The following ZNF385D variants were observed in gnomAD, a reference collection of about 807,000 sequenced individuals.
ZNF385D encodes zinc finger protein 385D, also known as zinc finger protein 659.
ZNF385D carries 15 observed loss-of-function variants against 35.8 expected under a neutral mutation model. That is an observed-to-expected ratio of 0.42 (90% CI 0.28 to 0.64). The LOEUF is 0.64. Among genes scored for constraint, ZNF385D ranks in the 30% least tolerant of loss-of-function variants. The pLI, the probability that ZNF385D is intolerant of heterozygous loss-of-function variation, is 0.23. For synonymous variants in ZNF385D, 212 were observed against 186.8 expected, an observed-to-expected ratio of 1.13 and a Z score of -1.10; for missense variants, 474 against 494.6, an observed-to-expected ratio of 0.96 and a Z score of 0.39.
At chr3:22,314,903 A>C (rs1272860468) in intron 2 of ZNF385D, among the ~76,000 whole-genome samples, 1 of 152,174 alleles carries the variant, frequency 6.6e-6, no homozygotes, top group African/African-American at 2.4e-5. Context: ...TGTGCAACAA[A>C]TGGAAATGTG....
At chr3:21,912,970 C>T (rs73129358) in intron 3 of ZNF385D, among the ~76,000 whole-genome samples, 1,821 of 152,096 alleles carry the variant, frequency 0.012, 33 homozygotes, top group African/African-American at 0.042. Context: ...AAACTGGAAA[C>T]AGAATTGTGA....
At chr3:22,352,755 T>C (rs1695974793) in intron 2 of ZNF385D, among the ~76,000 whole-genome samples, 1 of 152,182 alleles carries the variant, frequency 6.6e-6, no homozygotes, top group African/African-American at 2.4e-5. Flanking sequence ...TTTGGAGGCA[T>C]ACATAGTTCT....
At chr3:22,159,445 C>T (rs114782438) in intron 3 of ZNF385D, among the ~76,000 whole-genome samples, 9 of 152,056 alleles carry the variant, frequency 5.9e-5, no homozygotes, top group South Asian at 2.1e-4. Flanking sequence ...AGACAGGAGT[C>T]GGTCTGGATT....
intron 2 of ZNF385D, among the ~76,000 whole-genome samples, chr3:22,350,018 G>C (rs1695844983): frequency 1.3e-5 from 2 of 152,128 alleles, no homozygotes; most frequent in Non-Finnish European, 2.9e-5. Context: ...TGAATATAGA[G>C]TTTGGTTTAA....
At chr3:21,466,023 G>A (rs564395602) in intron 4 of ZNF385D, among the ~76,000 whole-genome samples, 6 of 152,174 alleles carry the variant, frequency 3.9e-5, no homozygotes, top group South Asian at 2.1e-4. Flanking sequence ...AGTGGTCTAC[G>A]ACCCTACCAC....
chr3:21,485,326 A>G (rs1248604032), intron 4 of ZNF385D, among the ~76,000 whole-genome samples: 2 of 152,152 alleles, frequency 1.3e-5, no homozygotes, highest in African/African-American at 4.8e-5. Context: ...CCTAATGCAA[A>G]CATTAGAGAG....
chr3:22,299,728 T>C (rs1406970006), intron 2 of ZNF385D, among the ~76,000 whole-genome samples: 2 of 151,810 alleles, frequency 1.3e-5, no homozygotes, highest in Admixed American at 1.3e-4. Flanking sequence ...TTATAAAAAA[T>C]AGTAAAATTC....
intron 2 of ZNF385D, among the ~76,000 whole-genome samples, chr3:22,180,983 G>C (rs1382041339): frequency 7.2e-6 from 1 of 138,038 alleles, no homozygotes; most frequent in Non-Finnish European, 1.5e-5. Flanking sequence ...AAAGTCTCAG[G>C]TTTTCTTTCT....
At chr3:22,017,880 T>C (rs1696984697) in intron 3 of ZNF385D, among the ~76,000 whole-genome samples, 2 of 151,958 alleles carry the variant, frequency 1.3e-5, no homozygotes, top group South Asian at 4.1e-4. Context: ...TTACTCCTTG[T>C]ATTCAACTTG....
chr3:22,159,029 G>A (rs185800572), intron 3 of ZNF385D, among the ~76,000 whole-genome samples: 16 of 152,044 alleles, frequency 1.1e-4, no homozygotes, highest in Admixed American at 7.2e-4. Context: ...AGGAAACACA[G>A]GGACTGGAAG....
intron 3 of ZNF385D, among the ~76,000 whole-genome samples, chr3:21,531,862 A>G (rs932145769): frequency 4.6e-5 from 7 of 152,228 alleles, no homozygotes; most frequent in Non-Finnish European, 5.9e-5. Flanking sequence ...TACGACACCA[A>G]TTACGAACCC....
In ZNF385D at chr3:22,005,372, G is replaced by A. The variant is rs557587009; in HGVS notation, c.325+163445C>T. ...ATTAACACAGTCATTATGGAAAACAGTGTGGAGTTTTCTCAAAAAACTAAA... is the reference window on the plus strand; with the variant it reads ...ATTAACACAGTCATTATGGAAAACAATGTGGAGTTTTCTCAAAAAACTAAA... On this transcript the variant is annotated intron_variant, in intron 3 of 5. Transcript: ENST00000494108. Among the ~76,000 whole-genome samples the A allele has an allele frequency of 9.9e-5, 15 of 152,132 alleles. No individual in the cohort carries two copies. In the South Asian group the frequency reaches 3.1e-3, roughly 32 times the overall value.
chr3:21,711,064 T>C (rs9808904), intron 1 of ZNF385D, among the ~76,000 whole-genome samples: 2 of 146,670 alleles, frequency 1.4e-5, no homozygotes, highest in Non-Finnish European at 3.0e-5. Flanking sequence ...TTTTTTGAGA[T>C]GGAGTCTTGC....
At chr3:21,443,510 A>C (rs1701971231) in intron 4 of ZNF385D, among the ~76,000 whole-genome samples, 1 of 152,214 alleles carries the variant, frequency 6.6e-6, no homozygotes, top group Admixed American at 6.5e-5. Flanking sequence ...ATGCAAGAGT[A>C]ATAGGACTCT....
chr3:21,954,205 G>C (rs115220990), intron 3 of ZNF385D, among the ~76,000 whole-genome samples: 1 of 151,700 alleles, frequency 6.6e-6, no homozygotes, highest in African/African-American at 2.4e-5. Context: ...CAGTTTCTTT[G>C]CTGTAACAAG....
At chr3:22,302,591 C>T (rs1377938403) in intron 2 of ZNF385D, among the ~76,000 whole-genome samples, 4 of 151,748 alleles carry the variant, frequency 2.6e-5, no homozygotes. Flanking sequence ...TGTTTTTGCT[C>T]TCCTATTAAA....
At chr3:22,241,685 G>C (rs1699501440) in intron 2 of ZNF385D, among the ~76,000 whole-genome samples, 1 of 150,742 alleles carries the variant, frequency 6.6e-6, no homozygotes, top group South Asian at 2.2e-4. Flanking sequence ...TTCCTGGAGA[G>C]GAGGCAAGAA....
At chr3:21,534,166 A>G (rs1288413661) in intron 3 of ZNF385D, among the ~76,000 whole-genome samples, 1 of 152,000 alleles carries the variant, frequency 6.6e-6, no homozygotes, top group Non-Finnish European at 1.5e-5. Context: ...CACATCTAAT[A>G]AGTGTTAAGA....
At chr3:22,130,357 C>G (rs989146511) in intron 3 of ZNF385D, among the ~76,000 whole-genome samples, 3 of 152,132 alleles carry the variant, frequency 2.0e-5, no homozygotes, top group Non-Finnish European at 4.4e-5. Context: ...CAGCACAGCA[C>G]CAGACCTTCC....
Sources: allele counts gnomAD v4.1 joint callset (sites outside exome capture counted in the v4.1 genomes callset), GRCh38; gene constraint gnomAD v4.1.1; transcripts MANE v1.5; gene names NCBI Gene and HGNC (gene_info 2026-07-23, HGNC 2026-07-21).